SRRM3: variants seen among roughly 807,000 people sequenced by gnomAD.
SRRM3 encodes the protein serine/arginine repetitive matrix protein 3.
Under a neutral mutation model 66.2 loss-of-function variants are expected in SRRM3, and 27 were observed. That is an observed-to-expected ratio of 0.41 (90% CI 0.30 to 0.56). The LOEUF (loss-of-function observed/expected upper bound fraction) is 0.56, where lower values mean the gene tolerates loss of function less well. Among genes scored for constraint, SRRM3 ranks in the 20% least tolerant of loss-of-function variants. SRRM3 has a pLI of 0.32. For missense variants in SRRM3, 918 were observed against 991.9 expected (o/e 0.93, Z 1.00); for synonymous variants, 391 against 414.9 (o/e 0.94, Z 0.70).
intron 1 of SRRM3, among the ~76,000 whole-genome samples, chr7:76,202,556 C>G (rs1554600731): frequency 6.6e-6 from 1 of 152,140 alleles, no homozygotes; most frequent in Non-Finnish European, 1.5e-5. Flanking sequence ...CCTAGGGAGG[C>G]AGGAGCTGGC....
At chr7:76,212,047 A>G (rs1222597631) in intron 1 of SRRM3, among the ~76,000 whole-genome samples, 2 of 148,662 alleles carry the variant, frequency 1.3e-5, no homozygotes, top group East Asian at 4.0e-4. Context: ...TCTCTACAAA[A>G]CTCAGCCTGT....
chr7:76,284,019 G>A (rs936270040), intron 14 of SRRM3, among the ~76,000 whole-genome samples: 1 of 152,086 alleles, frequency 6.6e-6, no homozygotes, highest in African/African-American at 2.4e-5. Flanking sequence ...CCAGGGTTTC[G>A]TGAGCATCTT....
chr7:76,211,753 C>A (rs1728529558), intron 1 of SRRM3, among the ~76,000 whole-genome samples: 1 of 151,726 alleles, frequency 6.6e-6, no homozygotes. Flanking sequence ...CCAGGACCCA[C>A]CCAAAACGAC....
intron 11 of SRRM3, among the ~76,000 whole-genome samples, chr7:76,280,516 C>A (rs1158019027): frequency 1.3e-5 from 2 of 151,006 alleles, no homozygotes; most frequent in Non-Finnish European, 3.0e-5. Flanking sequence ...TCCGTCCCAT[C>A]GGGGGGGCAA....
At chr7:76,277,732 A>G (rs147171497) in intron 11 of SRRM3, among the ~76,000 whole-genome samples, 15,347 of 138,904 alleles carry the variant, frequency 0.11, 783 homozygotes, top group East Asian at 0.15. Context: ...AAAAAAAAAA[A>G]AAAGAGAGAG....
At chr7:76,260,413 C>T (rs1801829576) in intron 5 of SRRM3, among the ~76,000 whole-genome samples, 1 of 145,262 alleles carries the variant, frequency 6.9e-6, no homozygotes, top group Admixed American at 6.8e-5. Context: ...CCCCGCCCCT[C>T]GACAAGCCCC....
intron 14 of SRRM3, among the ~76,000 whole-genome samples, chr7:76,284,141 T>G (rs1802600339): frequency 6.6e-6 from 1 of 151,822 alleles, no homozygotes; most frequent in Non-Finnish European, 1.5e-5. Flanking sequence ...CCAGACCGCC[T>G]TGAAGGAGAA....
intron 1 of SRRM3, among the ~76,000 whole-genome samples, chr7:76,219,461 G>A (rs565283954): frequency 9.2e-5 from 14 of 152,292 alleles, no homozygotes; most frequent in South Asian, 4.1e-4. Flanking sequence ...GCCCCCAGCC[G>A]GCTTTCTCTT....
At chr7:76,235,463 T>G (rs1275831401) in intron 2 of SRRM3, among the ~76,000 whole-genome samples, 164 bp downstream of exon 2, 3 of 152,254 alleles carry the variant, frequency 2.0e-5, no homozygotes, top group Admixed American at 2.0e-4. Flanking sequence ...CCCAAGAGCC[T>G]TGTCCAGACA....
intron 14 of SRRM3, chr7:76,283,375 G>T (rs1429544128): frequency 3.6e-6 from 2 of 549,572 alleles, no homozygotes; most frequent in Non-Finnish European, 6.5e-6. Context: ...GGCCCATGAA[G>T]GGGAGGGGGC....
intron 1 of SRRM3, among the ~76,000 whole-genome samples, chr7:76,227,070 A>G (rs1424354523): frequency 6.7e-6 from 1 of 150,002 alleles, no homozygotes; most frequent in Non-Finnish European, 1.5e-5. Context: ...CTCTCAGCCA[A>G]TCAGTGGTAG....
intron 3 of SRRM3, among the ~76,000 whole-genome samples, chr7:76,254,599 C>T (rs143769245): frequency 2.0e-4 from 31 of 152,096 alleles, no homozygotes; most frequent in African/African-American, 7.0e-4. Context: ...ATTACAGGCA[C>T]GAGCCACCGC....
intron 3 of SRRM3, among the ~76,000 whole-genome samples, chr7:76,259,503 G>C (rs1801799938): frequency 1.3e-5 from 2 of 151,460 alleles, no homozygotes; most frequent in African/African-American, 2.4e-5. Flanking sequence ...CTTGGGCCCA[G>C]AAGTTCAAGG....
chr7:76,265,221 A>G (rs908000286), intron 9 of SRRM3, 143 bp from the exon 10 acceptor site: 55 of 583,546 alleles, frequency 9.4e-5, no homozygotes, highest in Non-Finnish European at 5.1e-5. Flanking sequence ...TGTACCTTTT[A>G]TAGGAGACTT....
In SRRM3 at chr7:76,218,611, A is replaced by G. The variant is rs572593906; in HGVS notation, c.-39-16417A>G. Reference sequence around the variant, plus strand: ...GACCAAACCACTACTTGCTTATTTCATATCAGTTCTGGCCTCTACAGATCT... The same window carrying G: ...GACCAAACCACTACTTGCTTATTTCGTATCAGTTCTGGCCTCTACAGATCT... On this transcript the variant is annotated intron_variant, in intron 1 of 14. Transcript: ENST00000611745. Among the ~76,000 whole-genome samples the G allele has an allele frequency of 5.4e-5, 8 of 148,904 alleles. No homozygotes were observed. In the East Asian group the frequency reaches 1.2e-3, roughly 22 times the overall value.
rs546650296 is a variant in SRRM3, at chr7:76,225,634, T to G, written c.-39-9394T>G. Among the ~76,000 whole-genome samples the G allele has an allele frequency of 1.8e-3, 271 of 152,220 alleles. 4 individuals carry two copies. The highest frequency in any genetic ancestry group is 1.3e-3 in the Non-Finnish European group (88 of 67,996). On this transcript the variant is annotated intron_variant, in intron 1 of 14. Transcript: ENST00000611745. The stretch of plus-strand genomic sequence containing the variant: ...AGTTTGCTCACTCCTGTAATCCCAG[T>G]GCTCTGGGAAGCCAAGGCGGGGGAT...
At chr7:76,227,837 A>C (rs1800916196) in intron 1 of SRRM3, among the ~76,000 whole-genome samples, 1 of 152,150 alleles carries the variant, frequency 6.6e-6, no homozygotes, top group Admixed American at 6.6e-5. Context: ...GACCTCATTC[A>C]TCCTACGACA....
intron 3 of SRRM3, among the ~76,000 whole-genome samples, chr7:76,251,443 C>T (rs1801580234): frequency 6.6e-6 from 1 of 151,218 alleles, no homozygotes; most frequent in African/African-American, 2.4e-5. Context: ...GGCGCAATCT[C>T]GGCTCACTGC....
chr7:76,248,289 T>C lies in SRRM3; in HGVS notation c.335T>C (p.Ile112Thr), dbSNP rs1554606417. 3 of 1,610,010 alleles carry C rather than the reference T, an allele frequency of 1.9e-6. No homozygotes were observed. The highest frequency in any genetic ancestry group is 1.7e-6 in the Non-Finnish European group (2 of 1,176,928). ...LTREDRPGGH[I>T]VAETPRLTEG... is the part of the protein sequence containing the mutation. ...AGGGAGGACCGGCCTGGGGGCCACA[T>C]GTGAGTGCTTACCTGTGTGGGGATG... is the stretch of plus-strand genomic sequence containing the variant. Residue 112 changes from isoleucine (I) to threonine (T), a missense_variant and splice_region_variant, in exon 3 of 15, where the codon ATT becomes ACT. Transcript: ENST00000611745.
Sources: gnomAD v4.1 joint callset for allele counts (sites outside exome capture counted in the v4.1 genomes callset) on GRCh38, gnomAD v4.1.1 for gene constraint, MANE v1.5 for transcripts, NCBI Gene and HGNC (gene_info 2026-07-23, HGNC 2026-07-21) for gene names.